CCDC57: variants seen among roughly 807,000 people sequenced by gnomAD.
The protein encoded by CCDC57 is coiled-coil domain-containing protein 57.
A neutral mutation model predicts 118.9 loss-of-function variants in CCDC57; 118 were observed. The ratio of observed to expected loss-of-function variants is 0.99; its 90% CI spans 0.86 to 1.16. The LOEUF is 1.16. CCDC57 is among the 50% of genes most tolerant of loss of function. The pLI, the probability that CCDC57 is intolerant of heterozygous loss-of-function variation, is 0.00. For missense variants in CCDC57, 1,300 were observed against 1,320.7 expected (o/e 0.98, Z 0.24); for synonymous variants, 527 against 532.9 (o/e 0.99, Z 0.15).
At chr17:82,111,734 G>A (rs2035267811) in intron 19 of CCDC57, among the ~76,000 whole-genome samples, 1 of 151,588 alleles carries the variant, frequency 6.6e-6, no homozygotes, top group Non-Finnish European at 1.5e-5. Flanking sequence ...AGCCTCCCAA[G>A]TAGTTGAAAT....
chr17:82,103,582 C>T (rs909121188), intron 19 of CCDC57, among the ~76,000 whole-genome samples: 54 of 152,384 alleles, frequency 3.5e-4, no homozygotes, highest in African/African-American at 1.3e-3. Flanking sequence ...CACTGTGACC[C>T]TGAGGCATCT....
chr17:82,168,989 G>GA (rs1188897210), intron 13 of CCDC57, among the ~76,000 whole-genome samples: 1 of 152,160 alleles, frequency 6.6e-6, no homozygotes, highest in Non-Finnish European at 1.5e-5. Flanking sequence ...GTGAAATGCT[G>GA]AAAGTTCTTC....
chr17:82,164,213 TA>T (rs111408611), intron 13 of CCDC57, among the ~76,000 whole-genome samples: 14 of 148,148 alleles, frequency 9.5e-5, no homozygotes, highest in Non-Finnish European at 7.5e-5. Context: ...CTGTCTCTGC[TA>T]AAAAAAAAAT....
chr17:82,170,925 C>T (rs114690433), intron 13 of CCDC57, among the ~76,000 whole-genome samples: 25 of 152,372 alleles, frequency 1.6e-4, no homozygotes, highest in African/African-American at 5.8e-4. Flanking sequence ...CTACCTCGCA[C>T]GATGTGGATG....
intron 14 of CCDC57, among the ~76,000 whole-genome samples, 152 bp downstream of exon 13, chr17:82,163,048 C>T (rs2043535338): frequency 6.6e-6 from 1 of 152,202 alleles, no homozygotes; most frequent in Non-Finnish European, 1.5e-5. Flanking sequence ...AGGACCTCCC[C>T]ACAGCCCCTT....
At chr17:82,142,315 G>GT (rs1170208899) in intron 16 of CCDC57, among the ~76,000 whole-genome samples, 4 of 148,726 alleles carry the variant, frequency 2.7e-5, no homozygotes, top group African/African-American at 7.4e-5. Flanking sequence ...AGTTGTGTTT[G>GT]TTTTTTTTTT....
intron 17 of CCDC57, among the ~76,000 whole-genome samples, chr17:82,132,176 AG>A (rs1438436021): frequency 6.6e-6 from 1 of 151,840 alleles, no homozygotes; most frequent in Non-Finnish European, 1.5e-5. Flanking sequence ...AATTTTGTAA[AG>A]GAACAGAAAT....
At chr17:82,139,546 G>A (rs2145540206) in intron 16 of CCDC57, among the ~76,000 whole-genome samples, 1 of 152,262 alleles carries the variant, frequency 6.6e-6, no homozygotes, top group African/African-American at 2.4e-5. Flanking sequence ...AGTAGAGATG[G>A]TGCTTTGCCA....
At chr17:82,195,278 C>G (rs2048163179) in exon 5 of CCDC57, 1 of 1,596,258 alleles carries the variant, frequency 6.3e-7, no homozygotes, top group African/African-American at 1.3e-5. Context: ...GCTCCCGGGA[C>G]AAGGCTGTGT....
exon 9 of CCDC57, chr17:82,183,874 A>G: frequency 6.2e-7 from 1 of 1,613,664 alleles, no homozygotes; most frequent in Non-Finnish European, 8.5e-7. Context: ...ATCTCCTTAG[A>G]TAGTTGAGCA....
intron 7 of CCDC57, among the ~76,000 whole-genome samples, chr17:82,193,152 A>C (rs1428390289): frequency 6.6e-6 from 1 of 152,172 alleles, no homozygotes; most frequent in African/African-American, 2.4e-5. Flanking sequence ...TCAATCTCCC[A>C]GGCTCACATG....
chr17:82,208,438 G>A (rs2049919717), intron 1 of CCDC57, among the ~76,000 whole-genome samples: 1 of 151,014 alleles, frequency 6.6e-6, no homozygotes, highest in Non-Finnish European at 1.5e-5. Flanking sequence ...TGTACTTTTA[G>A]TAGAGATGGG....
chr17:82,151,445 C>A, intron 16 of CCDC57, 115 bp downstream of exon 15: 1 of 634,852 alleles, frequency 1.6e-6, no homozygotes. Flanking sequence ...ACATCCAGAA[C>A]CTGGTGCACC....
At chr17:82,179,609 G>C (rs984966048) in intron 9 of CCDC57, among the ~76,000 whole-genome samples, 11 of 152,190 alleles carry the variant, frequency 7.2e-5, no homozygotes, top group Middle Eastern at 6.8e-3. Context: ...TGCAGAGCAG[G>C]GTGGACCCAG....
At chr17:82,188,183 C>T (rs1019650471) in intron 8 of CCDC57, 36 bp downstream of exon 7, 38 of 1,510,674 alleles carry the variant, frequency 2.5e-5, no homozygotes, top group Non-Finnish European at 3.1e-5. Context: ...GCCGTCCCTG[C>T]CCTCACCCTC....
At chr17:82,151,181 G>GCACATCCAGAACTTGACC (rs1568275679) in intron 16 of CCDC57, among the ~76,000 whole-genome samples, 23 of 26,860 alleles carry the variant, frequency 8.6e-4, no homozygotes, top group South Asian at 1.7e-3. Context: ...AGAACCAGGC[G>GCACATCCAGAACTTGACC]CACACCCAGA....
intron 3 of CCDC57, among the ~76,000 whole-genome samples, chr17:82,199,319 A>G (rs1243108304): frequency 6.6e-6 from 1 of 151,596 alleles, no homozygotes; most frequent in Non-Finnish European, 1.5e-5. Context: ...CTCCACTAAA[A>G]ATACAAAAAT....
At chr17:82,156,410 T>C (rs1478951196) in intron 15 of CCDC57, 3 of 152,242 alleles carry the variant, frequency 2.0e-5, no homozygotes, top group African/African-American at 7.2e-5. Context: ...CTGGGGCCCC[T>C]TGCTGCCCAA....
At chr17:82,128,309 C>A (rs542795257) in intron 18 of CCDC57, among the ~76,000 whole-genome samples, 184 bp downstream of exon 17, 2 of 152,306 alleles carry the variant, frequency 1.3e-5, no homozygotes, top group African/African-American at 4.8e-5. Flanking sequence ...TCTTACCACC[C>A]TTGTGGGACC....
Sources: gnomAD v4.1 joint callset for allele counts (sites outside exome capture counted in the v4.1 genomes callset) on GRCh38, gnomAD v4.1.1 for gene constraint, MANE v1.5 for transcripts, NCBI Gene and HGNC (gene_info 2026-07-23, HGNC 2026-07-21) for gene names.